FAT3: variants seen among roughly 807,000 people sequenced by gnomAD.
The protein encoded by FAT3 is FAT atypical cadherin 3.
FAT3 carries 95 observed loss-of-function variants against 310.2 expected under a neutral mutation model. The observed-to-expected ratio is 0.31, with a 90% CI of 0.26 to 0.36. FAT3 has a LOEUF of 0.36. Among genes scored for constraint, FAT3 ranks in the 10% least tolerant of loss-of-function variants. FAT3 has a pLI of 1.00. For synonymous variants in FAT3, 2,314 were observed against 2,192.9 expected (o/e 1.06, Z -1.54); for missense variants, 5,408 against 5,715.6 (o/e 0.95, Z 1.74).
intron 5 of FAT3, among the ~76,000 whole-genome samples, chr11:92,762,435 A>G (rs1160351626): frequency 1.3e-5 from 2 of 152,214 alleles, no homozygotes; most frequent in East Asian, 3.9e-4. Flanking sequence ...CACATACTCA[A>G]CCACTCTTTC....
At chr11:92,449,836 G>A (rs1951312357) in intron 2 of FAT3, among the ~76,000 whole-genome samples, 1 of 152,148 alleles carries the variant, frequency 6.6e-6, no homozygotes, top group Non-Finnish European at 1.5e-5. Flanking sequence ...AATTATCCAA[G>A]AACAATAGGT....
chr11:92,334,126 A>T (rs1268031414), intron 1 of FAT3, among the ~76,000 whole-genome samples: 1 of 152,188 alleles, frequency 6.6e-6, no homozygotes, highest in Non-Finnish European at 1.5e-5. Context: ...CTGTAATCCC[A>T]GCACTTTGAG....
chr11:92,627,398 A>C (rs890991249), intron 3 of FAT3, among the ~76,000 whole-genome samples: 15 of 152,110 alleles, frequency 9.9e-5, no homozygotes, highest in Admixed American at 2.0e-4. Context: ...GCCTCCTCTG[A>C]AGTTCTCCTT....
intron 1 of FAT3, among the ~76,000 whole-genome samples, chr11:92,319,635 G>A: frequency 6.6e-6 from 1 of 152,146 alleles, no homozygotes; most frequent in South Asian, 2.1e-4. Flanking sequence ...CTACCCTTAA[G>A]GAGAATATAA....
At chr11:92,664,745 C>G (rs1942899322) in intron 3 of FAT3, among the ~76,000 whole-genome samples, 1 of 152,128 alleles carries the variant, frequency 6.6e-6, no homozygotes, top group Non-Finnish European at 1.5e-5. Context: ...AAATTAACTC[C>G]TGATCCTTTA....
chr11:92,677,465 G>C (rs1943324524), intron 3 of FAT3, among the ~76,000 whole-genome samples: 1 of 152,204 alleles, frequency 6.6e-6, no homozygotes, highest in Admixed American at 6.5e-5. Flanking sequence ...GACCTCTTTT[G>C]TCTGATGGCA....
intron 4 of FAT3, among the ~76,000 whole-genome samples, chr11:92,702,645 C>A (rs1944135044): frequency 6.6e-6 from 1 of 152,164 alleles, no homozygotes; most frequent in Admixed American, 6.5e-5. Flanking sequence ...CTGGCTCCAG[C>A]AGTTTGAAAA....
chr11:92,446,796 T>C (rs1565323888), intron 2 of FAT3, among the ~76,000 whole-genome samples: 1 of 152,198 alleles, frequency 6.6e-6, no homozygotes, highest in Non-Finnish European at 1.5e-5. Flanking sequence ...TGTCTTTGTA[T>C]CATTGAAAGT....
intron 1 of FAT3, among the ~76,000 whole-genome samples, chr11:92,300,424 C>T (rs1404654040): frequency 2.0e-5 from 3 of 152,250 alleles, no homozygotes; most frequent in African/African-American, 4.8e-5. Context: ...TTGTCTTACA[C>T]ACTTTTGTAA....
intron 4 of FAT3, among the ~76,000 whole-genome samples, chr11:92,736,406 T>TA (rs1278229823): frequency 1.3e-5 from 2 of 152,152 alleles, no homozygotes; most frequent in African/African-American, 2.4e-5. Context: ...CATGTTCAGG[T>TA]AATCATGAAG....
At chr11:92,795,953 G>T (rs1054242077) in intron 9 of FAT3, among the ~76,000 whole-genome samples, 1 of 152,028 alleles carries the variant, frequency 6.6e-6, no homozygotes, top group African/African-American at 2.4e-5. Context: ...CTGGCTCCCT[G>T]CCATCCCCAC....
At chr11:92,313,394 T>G (rs1947357261) in intron 1 of FAT3, among the ~76,000 whole-genome samples, 1 of 152,168 alleles carries the variant, frequency 6.6e-6, no homozygotes. Flanking sequence ...TAAATCCCAG[T>G]TTTTTAATGT....
At chr11:92,304,037 C>A (rs931838826) in intron 1 of FAT3, among the ~76,000 whole-genome samples, 11 of 152,134 alleles carry the variant, frequency 7.2e-5, no homozygotes, top group African/African-American at 2.4e-4. Context: ...GAATATGTAT[C>A]TGGAAACTGT....
chr11:92,397,149 A>T (rs1189601588), intron 2 of FAT3, among the ~76,000 whole-genome samples: 3 of 152,196 alleles, frequency 2.0e-5, no homozygotes, highest in Non-Finnish European at 4.4e-5. Context: ...TGTGTGCTAC[A>T]CTAGACTGTA....
intron 4 of FAT3, among the ~76,000 whole-genome samples, chr11:92,706,227 T>A (rs79968797): frequency 0.037 from 5,656 of 152,198 alleles, 152 homozygotes; most frequent in Non-Finnish European, 0.058. Flanking sequence ...CCCACCAGTA[T>A]AAATTGCAGA....
intron 4 of FAT3, among the ~76,000 whole-genome samples, chr11:92,697,724 C>G (rs1188366752): frequency 1.1e-4 from 17 of 152,102 alleles, no homozygotes; most frequent in Non-Finnish European, 2.9e-5. Context: ...TGTCAATAAT[C>G]AGAAAAGAAA....
At chr11:92,566,670 G>A (rs867671948) in intron 3 of FAT3, among the ~76,000 whole-genome samples, 4 of 150,130 alleles carry the variant, frequency 2.7e-5, no homozygotes, top group Middle Eastern at 3.2e-3. Context: ...AAACAGCATG[G>A]TACTGGTACC....
intron 2 of FAT3, among the ~76,000 whole-genome samples, chr11:92,476,331 A>G (rs1193915942): frequency 6.6e-6 from 1 of 152,220 alleles, no homozygotes; most frequent in Non-Finnish European, 1.5e-5. Context: ...TAGTTTCAAA[A>G]CCATTTATAT....
At chr11:92,351,307 A>C (rs1948559256) in intron 1 of FAT3, among the ~76,000 whole-genome samples, 1 of 152,182 alleles carries the variant, frequency 6.6e-6, no homozygotes, top group African/African-American at 2.4e-5. Context: ...AAGCACAATA[A>C]AAGATGGTAA....
Sources: gnomAD v4.1 joint callset for allele counts (sites outside exome capture counted in the v4.1 genomes callset) on GRCh38, gnomAD v4.1.1 for gene constraint, MANE v1.5 for transcripts, NCBI Gene and HGNC (gene_info 2026-07-23, HGNC 2026-07-21) for gene names.